Variants in RBFOX1 observed in about 807,000 individuals in gnomAD.
RBFOX1 encodes the protein RNA binding protein fox-1 homolog 1.
A neutral mutation model predicts 57.7 loss-of-function variants in RBFOX1; 8 were observed. The ratio of observed to expected loss-of-function variants is 0.14; its 90% CI spans 0.08 to 0.25. The LOEUF (loss-of-function observed/expected upper bound fraction) is 0.25, where lower values mean the gene tolerates loss of function less well. Ranked by LOEUF, RBFOX1 falls within the 10% of genes least tolerant of loss-of-function variation. The pLI is 1.00. For missense variants in RBFOX1, 611 were observed against 548.5 expected, an observed-to-expected ratio of 1.11 and a Z score of -1.14; for synonymous variants, 326 against 222.4, an observed-to-expected ratio of 1.47 and a Z score of -4.15.
chr16:7,264,809 C>G (rs973030875), intron 4 of RBFOX1, among the ~76,000 whole-genome samples: 5 of 152,122 alleles, frequency 3.3e-5, no homozygotes, highest in African/African-American at 1.2e-4. Flanking sequence ...AGCCCTGGTC[C>G]AAACTTTAAA....
intron 3 of RBFOX1, among the ~76,000 whole-genome samples, chr16:6,970,564 G>A (rs937316994): frequency 6.6e-6 from 1 of 152,102 alleles, no homozygotes; most frequent in Non-Finnish European, 1.5e-5. Context: ...CTTATAACTG[G>A]TGCCCTGGCG....
At chr16:5,617,029 A>C (rs1378249089) in intron 3 of RBFOX1, among the ~76,000 whole-genome samples, 1 of 151,934 alleles carries the variant, frequency 6.6e-6, no homozygotes, top group Non-Finnish European at 1.5e-5. Context: ...CTAGATCATG[A>C]GTCCCAGCTG....
At chr16:7,204,207 C>T (rs1273454183) in intron 4 of RBFOX1, among the ~76,000 whole-genome samples, 1 of 152,184 alleles carries the variant, frequency 6.6e-6, no homozygotes. Flanking sequence ...CTCAATGAAC[C>T]ATCTCATCCT....
chr16:5,450,098 C>T (rs1322094093), intron 1 of RBFOX1, among the ~76,000 whole-genome samples: 2 of 152,210 alleles, frequency 1.3e-5, no homozygotes, highest in Admixed American at 6.5e-5. Context: ...ATGTAATTCA[C>T]CTCATTGTGC....
At chr16:6,119,959 C>G (rs1043584445) in intron 1 of RBFOX1, among the ~76,000 whole-genome samples, 1 of 152,222 alleles carries the variant, frequency 6.6e-6, no homozygotes, top group African/African-American at 2.4e-5. Context: ...CTGCCCCAGC[C>G]CTTAGCAATC....
intron 4 of RBFOX1, among the ~76,000 whole-genome samples, chr16:7,228,992 A>G (rs2152902459): frequency 6.6e-6 from 1 of 152,254 alleles, no homozygotes; most frequent in East Asian, 1.9e-4. Context: ...GATGAGCTGG[A>G]AGGATGGGGA....
intron 2 of RBFOX1, among the ~76,000 whole-genome samples, chr16:6,546,415 G>C (rs1214551309): frequency 6.6e-6 from 1 of 152,214 alleles, no homozygotes; most frequent in African/African-American, 2.4e-5. Context: ...CCCAAAGTCA[G>C]GGTGTCAGCT....
chr16:6,613,407 A>G (rs2098096610), intron 2 of RBFOX1, among the ~76,000 whole-genome samples: 1 of 152,048 alleles, frequency 6.6e-6, no homozygotes, highest in Non-Finnish European at 1.5e-5. Context: ...CGGGGGAATG[A>G]TTTCTGTATA....
At chr16:6,413,135 C>T (rs575097592) in intron 2 of RBFOX1, among the ~76,000 whole-genome samples, 23 of 152,178 alleles carry the variant, frequency 1.5e-4, no homozygotes, top group African/African-American at 5.3e-4. Context: ...GCCTAACCAA[C>T]ATGGAGAAAC....
intron 1 of RBFOX1, among the ~76,000 whole-genome samples, chr16:6,136,370 G>T (rs542813204): frequency 1.3e-5 from 2 of 152,034 alleles, no homozygotes; most frequent in Non-Finnish European, 2.9e-5. Context: ...TTCCAGATAC[G>T]TGTGAGCCAT....
At chr16:7,647,169 A>G (rs772165630) in intron 11 of RBFOX1, among the ~76,000 whole-genome samples, 1 of 152,110 alleles carries the variant, frequency 6.6e-6, no homozygotes, top group Non-Finnish European at 1.5e-5. Context: ...TGGTTACTCT[A>G]CTAACCTCCC....
intron 1 of RBFOX1, among the ~76,000 whole-genome samples, chr16:5,354,297 T>G (rs911843727): frequency 6.6e-6 from 1 of 152,184 alleles, no homozygotes; most frequent in Non-Finnish European, 1.5e-5. Flanking sequence ...GGACCACTTT[T>G]TTTTCTCTAT....
intron 4 of RBFOX1, among the ~76,000 whole-genome samples, chr16:7,488,519 A>G (rs1372625767): frequency 6.6e-6 from 1 of 152,030 alleles, no homozygotes; most frequent in Non-Finnish European, 1.5e-5. Flanking sequence ...TTGTCTACCT[A>G]TCTACTATCT....
At chr16:6,933,988 C>G (rs2076972070) in intron 3 of RBFOX1, among the ~76,000 whole-genome samples, 1 of 152,190 alleles carries the variant, frequency 6.6e-6, no homozygotes, top group Admixed American at 6.5e-5. Flanking sequence ...TGCTCATCCT[C>G]TCAGCCCACC....
intron 3 of RBFOX1, among the ~76,000 whole-genome samples, chr16:5,646,745 C>T (rs2049066851): frequency 6.6e-6 from 1 of 152,124 alleles, no homozygotes; most frequent in Non-Finnish European, 1.5e-5. Flanking sequence ...CACCATTCTC[C>T]TGCCTTAGCC....
intron 3 of RBFOX1, among the ~76,000 whole-genome samples, chr16:7,043,225 TG>T (rs2046778227): frequency 6.6e-6 from 1 of 152,228 alleles, no homozygotes; most frequent in Non-Finnish European, 1.5e-5. Flanking sequence ...TTCAGCAGGC[TG>T]GGTTGGTGCA....
intron 5 of RBFOX1, among the ~76,000 whole-genome samples, chr16:7,550,092 G>C (rs1008456052): frequency 6.6e-6 from 1 of 150,662 alleles, no homozygotes. Context: ...ACCATGCCTG[G>C]CTAATTTTTT....
intron 1 of RBFOX1, among the ~76,000 whole-genome samples, chr16:6,217,052 C>T (rs1355727486): frequency 6.6e-6 from 1 of 152,116 alleles, no homozygotes; most frequent in Non-Finnish European, 1.5e-5. Flanking sequence ...CCTGTTCTGA[C>T]ATATCCGCAT....
intron 3 of RBFOX1, among the ~76,000 whole-genome samples, chr16:7,006,763 A>G (rs186558240): frequency 1.3e-5 from 2 of 152,284 alleles, no homozygotes; most frequent in East Asian, 3.9e-4. Flanking sequence ...TTTGATTAAG[A>G]AAAAGTAAAC....
Sources: gnomAD v4.1 joint callset for allele counts (sites outside exome capture counted in the v4.1 genomes callset) on GRCh38, gnomAD v4.1.1 for gene constraint, MANE v1.5 for transcripts, NCBI Gene and HGNC (gene_info 2026-07-23, HGNC 2026-07-21) for gene names.